The following USP24 variants were observed in gnomAD, a reference collection of about 807,000 sequenced individuals.
The protein encoded by USP24 is ubiquitin carboxyl-terminal hydrolase 24.
A neutral mutation model predicts 361.6 loss-of-function variants in USP24; 97 were observed. The observed-to-expected ratio is 0.27, with a 90% CI of 0.23 to 0.32. The LOEUF is 0.32. USP24 is among the 10% of genes least tolerant of loss of function. The pLI is 1.00. For synonymous variants in USP24, 1,098 were observed against 1,124.6 expected (o/e 0.98, Z 0.47); for missense variants, 2,353 against 3,165.6 (o/e 0.74, Z 6.16).
chr1:55,187,070 C>G (rs1210187614), intron 1 of USP24, among the ~76,000 whole-genome samples: 1 of 151,848 alleles, frequency 6.6e-6, no homozygotes, highest in African/African-American at 2.4e-5. Context: ...AAACCATGAC[C>G]AAGTGGCACT....
chr1:55,141,281 T>C (rs2100687904), intron 24 of USP24, among the ~76,000 whole-genome samples: 2 of 152,304 alleles, frequency 1.3e-5, no homozygotes, highest in South Asian at 2.1e-4. Flanking sequence ...TGTATGTGTA[T>C]TGCATTCTAA....
chr1:55,091,652 T>G (rs936089082), intron 54 of USP24, among the ~76,000 whole-genome samples: 25 of 152,182 alleles, frequency 1.6e-4, no homozygotes, highest in African/African-American at 5.8e-4. Flanking sequence ...GGCCAAGTCT[T>G]GTCTGTTACT....
chr1:55,202,473 C>T lies in USP24; in HGVS notation c.324+12317G>A, dbSNP rs138279445. 3.0e-3 allele frequency among the ~76,000 whole-genome samples: 449 copies of T among 151,760 alleles called. 2 individuals carry two copies. The highest frequency in any genetic ancestry group is 0.011 in the African/African-American group (436 of 41,326). On this transcript the variant is annotated intron_variant, in intron 1 of 67. Coordinates refer to ENST00000294383, the MANE Select transcript of USP24 (RefSeq NM_015306.3). The stretch of plus-strand genomic sequence containing the variant: ...AAGTTGCAGTGCAGTGGTGCGATCT[C>T]GGCTCACTGCAAACTCCGCCTCCCA...
At chr1:55,178,522 A>AT (rs1224654793) in intron 1 of USP24, among the ~76,000 whole-genome samples, 1 of 151,914 alleles carries the variant, frequency 6.6e-6, no homozygotes, top group Non-Finnish European at 1.5e-5. Flanking sequence ...CAAAAAAATT[A>AT]GCCAGGTGTA....
At chr1:55,211,118 T>C (rs939246375) in intron 1 of USP24, among the ~76,000 whole-genome samples, 1 of 152,236 alleles carries the variant, frequency 6.6e-6, no homozygotes. Context: ...CTTCCTGTTG[T>C]GTAGAGAACA....
intron 16 of USP24, among the ~76,000 whole-genome samples, chr1:55,152,405 G>A (rs1274576020): frequency 6.6e-6 from 1 of 152,182 alleles, no homozygotes; most frequent in African/African-American, 2.4e-5. Flanking sequence ...AAGGAATAAT[G>A]GTCAGGAGGG....
chr1:55,161,089 A>G (rs2100764241), intron 8 of USP24, among the ~76,000 whole-genome samples: 1 of 152,236 alleles, frequency 6.6e-6, no homozygotes, highest in South Asian at 2.1e-4. Context: ...AATTACAGAA[A>G]TTGGCTAGGT....
At chr1:55,103,497 AT>A (rs1323467665) in intron 42 of USP24, among the ~76,000 whole-genome samples, 1 of 152,184 alleles carries the variant, frequency 6.6e-6, no homozygotes, top group African/African-American at 2.4e-5. Context: ...AACTCAATAA[AT>A]TTTGGTTGAA....
intron 62 of USP24, among the ~76,000 whole-genome samples, chr1:55,075,747 A>G (rs1443150781): frequency 6.6e-6 from 1 of 152,108 alleles, no homozygotes; most frequent in East Asian, 1.9e-4. Context: ...CAGGAGGATC[A>G]CTTGAGGCCA....
chr1:55,165,993 ATTTT>A, intron 6 of USP24, 43 bp from the exon 7 acceptor site: 1 of 1,555,770 alleles, frequency 6.4e-7, no homozygotes, highest in Non-Finnish European at 8.7e-7. Context: ...TTTCTCTTTA[ATTTT>A]TTTATTTTGA....
In USP24 at chr1:55,074,858, T is replaced by C. The variant is rs544137924; in HGVS notation, c.7447+599A>G. 2.6e-5 allele frequency among the ~76,000 whole-genome samples: 4 copies of C among 152,104 alleles called. No individual in the cohort carries two copies. The South Asian group carries it at 8.3e-4, about 32-fold the overall frequency. ...ACAACAGAAAAAGGCCCTAAATCTC[T>C]TAATACATAGCAAAATCTAAAATGA... is the stretch of plus-strand genomic sequence containing the variant. On this transcript the variant is annotated intron_variant, in intron 63 of 67. Transcript: ENST00000294383.
At chr1:55,139,051 T>G (rs1164531845) in intron 24 of USP24, 41 bp from the exon 25 acceptor site, 1 of 1,517,730 alleles carries the variant, frequency 6.6e-7, no homozygotes, top group South Asian at 1.2e-5. Context: ...GTATTTGAAG[T>G]GTGATGATCT....
chr1:55,087,651 A>C (rs557135714), intron 55 of USP24, among the ~76,000 whole-genome samples: 1 of 152,358 alleles, frequency 6.6e-6, no homozygotes, highest in South Asian at 2.1e-4. Flanking sequence ...ATATGCATGC[A>C]TGCCTGAATA....
chr1:55,115,479 G>C (rs1212004952), intron 38 of USP24, among the ~76,000 whole-genome samples: 5 of 88,458 alleles, frequency 5.7e-5, no homozygotes, highest in African/African-American at 1.6e-4. Flanking sequence ...CTGGGCGACA[G>C]AGCGAGACTC....
chr1:55,076,923 C>T (rs376816082), intron 62 of USP24, among the ~76,000 whole-genome samples: 9 of 152,274 alleles, frequency 5.9e-5, no homozygotes, highest in South Asian at 2.1e-4. Context: ...TGCGCTAACA[C>T]GATGCCTTCT....
chr1:55,203,581 A>C (rs1470539426), intron 1 of USP24, among the ~76,000 whole-genome samples: 1 of 152,246 alleles, frequency 6.6e-6, no homozygotes, highest in Non-Finnish European at 1.5e-5. Context: ...AGTAGTCTTA[A>C]TTAATATTCG....
intron 38 of USP24, among the ~76,000 whole-genome samples, chr1:55,117,899 C>A (rs1646168213): frequency 6.6e-6 from 1 of 151,984 alleles, no homozygotes; most frequent in African/African-American, 2.4e-5. Context: ...ACAATAGCAT[C>A]AAAAATAATA....
rs146794089 is a variant in USP24, at chr1:55,166,434, T to C, written c.861+134A>G. ...TGTACATACAAAAAAAGGAAGAAAA[T>C]ATGAAATCCACTCCTTAAAGCATTT... On this transcript the variant is annotated intron_variant, in intron 6 of 67. Transcript: ENST00000294383. 665 of 855,126 alleles carry C rather than the reference T, an allele frequency of 7.8e-4. 4 individuals carry two copies. In the African/African-American group the frequency reaches 0.011, roughly 14 times the overall value. 53.0% of individuals were successfully genotyped at this position (855,126 alleles called of 1,614,324 possible).
chr1:55,215,119 G>A lies in USP24; in HGVS notation c.-6C>T, dbSNP rs1332861560. On this transcript the variant is annotated 5_prime_UTR_variant, in exon 1 of 68. Coordinates refer to ENST00000294383, the MANE Select transcript of USP24 (RefSeq NM_015306.3). Reference sequence around the variant, plus strand: ...TGCTCCTCCTCCGATTCCATGGCTTGGGCCTCCTGGCCGCCCCGGCCAGCG... The same window carrying A: ...TGCTCCTCCTCCGATTCCATGGCTTAGGCCTCCTGGCCGCCCCGGCCAGCG... The A allele has an allele frequency of 7.9e-7, 1 of 1,264,882 alleles. No homozygotes were observed. The highest frequency in any genetic ancestry group is 2.9e-5 in the South Asian group (1 of 34,192). 78.4% of individuals were successfully genotyped at this position (1,264,882 alleles called of 1,614,324 possible).
Sources: gnomAD v4.1 joint callset for allele counts (sites outside exome capture counted in the v4.1 genomes callset) on GRCh38, gnomAD v4.1.1 for gene constraint, MANE v1.5 for transcripts, NCBI Gene and HGNC (gene_info 2026-07-23, HGNC 2026-07-21) for gene names.